Variants in ENTREP2 observed in about 807,000 individuals in gnomAD.
The protein encoded by ENTREP2 is protein ENTREP2.
At chr15:29,206,078 GACT>G in the ENTREP2 span, among the ~76,000 whole-genome samples, 1 of 152,128 alleles carries the variant, frequency 6.6e-6, no homozygotes, top group African/African-American at 2.4e-5. Flanking sequence ...CCTTTCTCTG[GACT>G]ACTATTAACA....
chr15:29,648,334 C>A, the ENTREP2 span, among the ~76,000 whole-genome samples: 1 of 152,196 alleles, frequency 6.6e-6, no homozygotes, highest in African/African-American at 2.4e-5. Flanking sequence ...CCATTAACTC[C>A]ATGGGTTGCC....
chr15:29,356,256 A>ATGTG, the ENTREP2 span, among the ~76,000 whole-genome samples: 606 of 102,786 alleles, frequency 5.9e-3, 9 homozygotes, highest in African/African-American at 0.011. Context: ...ATGTATATAT[A>ATGTG]TGTGTGTGTG....
the ENTREP2 span, chr15:29,252,390 T>A: frequency 1.9e-6 from 3 of 1,550,622 alleles, no homozygotes; most frequent in African/African-American, 2.7e-5. Flanking sequence ...TTCTAGGGAG[T>A]TGACTAGCTG....
the ENTREP2 span, chr15:29,268,637 A>G: frequency 1.5e-6 from 1 of 652,412 alleles, no homozygotes; most frequent in Non-Finnish European, 2.4e-6. Context: ...CACAACATTA[A>G]AAAAACAAAA....
At chr15:29,456,718 C>T in the ENTREP2 span, among the ~76,000 whole-genome samples, 4 of 152,078 alleles carry the variant, frequency 2.6e-5, no homozygotes, top group East Asian at 1.9e-4. Flanking sequence ...TAATATAGAA[C>T]GGAAGGAGAG....
the ENTREP2 span, among the ~76,000 whole-genome samples, chr15:29,441,154 T>C: frequency 6.6e-6 from 1 of 152,114 alleles, no homozygotes; most frequent in Non-Finnish European, 1.5e-5. Flanking sequence ...TTCAGACACA[T>C]GCCACAACAT....
At chr15:29,323,578 C>T in the ENTREP2 span, among the ~76,000 whole-genome samples, 2 of 152,112 alleles carry the variant, frequency 1.3e-5, no homozygotes, top group African/African-American at 4.8e-5. Flanking sequence ...AAAGAGAAGG[C>T]TGTGGGAACC....
chr15:29,491,066 G>T, the ENTREP2 span, among the ~76,000 whole-genome samples: 2 of 152,188 alleles, frequency 1.3e-5, no homozygotes, highest in African/African-American at 2.4e-5. Context: ...TGTGGCACAG[G>T]CGGGCCAGCA....
At chr15:29,374,611 G>A in the ENTREP2 span, 1 of 151,132 alleles carries the variant, frequency 6.6e-6, no homozygotes, top group Non-Finnish European at 1.5e-5. Flanking sequence ...TCTTGAATCT[G>A]TGGGTTTCTA....
the ENTREP2 span, among the ~76,000 whole-genome samples, chr15:29,152,592 C>A: frequency 6.6e-6 from 1 of 152,198 alleles, no homozygotes; most frequent in African/African-American, 2.4e-5. Flanking sequence ...CAGGTTGTTG[C>A]ATGTATCAGT....
the ENTREP2 span, among the ~76,000 whole-genome samples, chr15:29,423,209 C>A: frequency 2.0e-5 from 3 of 152,130 alleles, no homozygotes; most frequent in East Asian, 1.9e-4. Context: ...ACTCAGAATA[C>A]ACATTTAACA....
the ENTREP2 span, chr15:29,235,125 C>G: frequency 2.0e-6 from 2 of 992,428 alleles, no homozygotes; most frequent in Non-Finnish European, 3.2e-6. Context: ...GGGCAGGAGC[C>G]ACCCCGAGAC....
At chr15:29,619,118 C>T in the ENTREP2 span, among the ~76,000 whole-genome samples, 5,064 of 152,224 alleles carry the variant, frequency 0.033, 290 homozygotes, top group African/African-American at 0.12. Flanking sequence ...CATGGCTGGG[C>T]GCGGTGGCTC....
At chr15:29,503,387 C>T in the ENTREP2 span, among the ~76,000 whole-genome samples, 31 of 152,180 alleles carry the variant, frequency 2.0e-4, no homozygotes, top group South Asian at 4.1e-4. Context: ...CCAGAAGAGG[C>T]AAAATCATAG....
the ENTREP2 span, among the ~76,000 whole-genome samples, chr15:29,477,532 C>A: frequency 6.6e-6 from 1 of 152,028 alleles, no homozygotes; most frequent in South Asian, 2.1e-4. Flanking sequence ...CGCTGAAAGC[C>A]CATTAAATTT....
At chr15:29,275,310 C>T in the ENTREP2 span, among the ~76,000 whole-genome samples, 1 of 152,126 alleles carries the variant, frequency 6.6e-6, no homozygotes, top group African/African-American at 2.4e-5. Flanking sequence ...TAAAAATCAA[C>T]CCTGATTTTC....
the ENTREP2 span, among the ~76,000 whole-genome samples, chr15:29,670,831 G>T: frequency 1.3e-5 from 2 of 152,160 alleles, no homozygotes; most frequent in Non-Finnish European, 2.9e-5. Flanking sequence ...CATAGATTTG[G>T]TCCTTGTCTC....
chr15:29,662,736 T>C, the ENTREP2 span, among the ~76,000 whole-genome samples: 1 of 152,156 alleles, frequency 6.6e-6, no homozygotes, highest in Admixed American at 6.5e-5. Flanking sequence ...TTTTCTTTTT[T>C]TGAGATGGAG....
chr15:29,471,225 A>G, the ENTREP2 span, among the ~76,000 whole-genome samples: 1 of 152,212 alleles, frequency 6.6e-6, no homozygotes, highest in Non-Finnish European at 1.5e-5. Flanking sequence ...GAGCTTCCTC[A>G]TAAGATTTCA....
Sources: gnomAD v4.1 joint callset for allele counts (sites outside exome capture counted in the v4.1 genomes callset) on GRCh38, gnomAD v4.1.1 for gene constraint, MANE v1.5 for transcripts, NCBI Gene and HGNC (gene_info 2026-07-23, HGNC 2026-07-21) for gene names.